Variants in ANKRD10 observed in about 807,000 individuals in gnomAD.
The protein encoded by ANKRD10 is ankyrin repeat domain-containing protein 10.
ANKRD10 carries 14 observed loss-of-function variants against 27.0 expected under a neutral mutation model. That is an observed-to-expected ratio of 0.52 (90% CI 0.34 to 0.81). The LOEUF (loss-of-function observed/expected upper bound fraction) is 0.81, where lower values mean the gene tolerates loss of function less well. ANKRD10 is among the 40% of genes least tolerant of loss of function. The pLI, the probability that ANKRD10 is intolerant of heterozygous loss-of-function variation, is 0.01. For missense variants in ANKRD10, 493 were observed against 544.0 expected, an observed-to-expected ratio of 0.91 and a Z score of 0.93; for synonymous variants, 250 against 224.5, an observed-to-expected ratio of 1.11 and a Z score of -1.01.
chr13:110,881,527 GA>G lies in ANKRD10; in HGVS notation c.788-1416del, dbSNP rs201946514. 1.3e-3 allele frequency among the ~76,000 whole-genome samples: 27 copies of G among 21,092 alleles called. No individual in the cohort carries two copies. The East Asian group carries it at 0.014, about 11-fold the overall frequency. The allele number at this position is 21,092 out of a possible 152,430, so 13.8% of individuals were successfully genotyped here. ...GCTATAAATTCTTCACAGGACAATA[GA>G]TTTTTTTTCCCCCAAATTAAATGAT... On this transcript the variant is annotated intron_variant, in intron 5 of 5. Transcript: ENST00000267339.
chr13:110,890,049 T>A (rs995891589), intron 4 of ANKRD10, among the ~76,000 whole-genome samples: 1 of 152,188 alleles, frequency 6.6e-6, no homozygotes, highest in African/African-American at 2.4e-5. Flanking sequence ...AAAGAATTTA[T>A]CATTTCTTTT....
chr13:110,901,905 T>A (rs1180630298), intron 3 of ANKRD10, among the ~76,000 whole-genome samples: 1 of 152,104 alleles, frequency 6.6e-6, no homozygotes, highest in African/African-American at 2.4e-5. Flanking sequence ...TAGTTGGGCA[T>A]GGTGGTATGT....
chr13:110,896,549 A>G (rs77579810), intron 3 of ANKRD10, among the ~76,000 whole-genome samples: 10,319 of 152,280 alleles, frequency 0.068, 482 homozygotes, highest in Middle Eastern at 0.16. Flanking sequence ...TGGTCACTCA[A>G]CTGTGTAGTG....
intron 1 of ANKRD10, among the ~76,000 whole-genome samples, chr13:110,912,974 T>A (rs1187900847): frequency 1.3e-5 from 2 of 152,270 alleles, no homozygotes; most frequent in Admixed American, 1.3e-4. Flanking sequence ...CAACATTTGA[T>A]GACCAAGGTA....
At chr13:110,909,295 G>A (rs2065626410) in intron 2 of ANKRD10, among the ~76,000 whole-genome samples, 1 of 152,154 alleles carries the variant, frequency 6.6e-6, no homozygotes, top group Non-Finnish European at 1.5e-5. Flanking sequence ...AAGAGATTGA[G>A]CCACAAAGTT....
At chr13:110,902,589 C>A (rs974624015) in intron 3 of ANKRD10, among the ~76,000 whole-genome samples, 2 of 152,054 alleles carry the variant, frequency 1.3e-5, no homozygotes, top group Non-Finnish European at 2.9e-5. Flanking sequence ...ATAAGGCTAT[C>A]GATGCTTCTC....
At chr13:110,903,633 CACA>C (rs962948294) in intron 3 of ANKRD10, 185 of 152,814 alleles carry the variant, frequency 1.2e-3, no homozygotes, top group African/African-American at 4.4e-3. Context: ...TCCAAAAAAG[CACA>C]ACAATTTAAG....
chr13:110,893,298 C>T, intron 3 of ANKRD10, 35 bp from the exon 4 acceptor site: 1 of 1,600,974 alleles, frequency 6.2e-7, no homozygotes, highest in Non-Finnish European at 8.5e-7. Flanking sequence ...TACACCCCAT[C>T]CGCGTGCTAA....
rs537539983 is a variant in ANKRD10, at chr13:110,914,863, G to A, written c.72C>T (p.Phe24=). 11 of 1,555,088 alleles carry A rather than the reference G, an allele frequency of 7.1e-6. No homozygotes were observed. In the Admixed American group the frequency reaches 9.6e-5, roughly 14 times the overall value. The change falls in exon 1 of 6, where the codon TTC becomes TTT. Residue 24 remains phenylalanine, a synonymous_variant. Coordinates refer to ENST00000267339, the MANE Select transcript of ANKRD10 (RefSeq NM_017664.4). ...FSSEELLSLR[F]PLHRACRDGD... ...CGTCGCGGCAGGCGCGGTGCAGCGG[G>A]AAACGGAGCGAGAGCAGCTCCTCGC...
intron 5 of ANKRD10, among the ~76,000 whole-genome samples, chr13:110,880,378 A>G (rs1438818075): frequency 3.3e-5 from 5 of 152,222 alleles, no homozygotes; most frequent in African/African-American, 1.2e-4. Context: ...GCTGACAAAT[A>G]CACTGCATGA....
At chr13:110,896,444 C>G (rs541200293) in intron 3 of ANKRD10, among the ~76,000 whole-genome samples, 1 of 152,302 alleles carries the variant, frequency 6.6e-6, no homozygotes, top group East Asian at 1.9e-4. Flanking sequence ...AATGACACCA[C>G]CATCTCTTGC....
chr13:110,892,416 C>CAGAAAAAAAAAAAAAAAAAAAAAAAAAAA (rs2065099658), intron 4 of ANKRD10, among the ~76,000 whole-genome samples: 1 of 19,550 alleles, frequency 5.1e-5, no homozygotes. Flanking sequence ...GGTGACAGAG[C>CAGAAAAAAAAAAAAAAAAAAAAAAAAAAA]AAAAAAAAAA....
intron 1 of ANKRD10, 138 bp from the exon 2 acceptor site, chr13:110,910,908 A>G: frequency 1.2e-6 from 1 of 856,502 alleles, no homozygotes; most frequent in Non-Finnish European, 1.7e-6. Context: ...ACTCTTTCCC[A>G]ATGCCATGCA....
In ANKRD10 at chr13:110,915,014, A is replaced by G; in HGVS notation, c.-80T>C. The G allele has an allele frequency of 6.8e-7, 1 of 1,475,542 alleles. No homozygotes were observed. Among genetic ancestry groups the G allele is most frequent in the Non-Finnish European group, 8.9e-7 (1 of 1,118,324 alleles). The allele number at this position is 1,475,542 out of a possible 1,614,324, so 91.4% of individuals were successfully genotyped here. On this transcript the variant is annotated 5_prime_UTR_variant, in exon 1 of 6. Coordinates refer to ENST00000267339, the MANE Select transcript of ANKRD10 (RefSeq NM_017664.4). ...ACTCGAGAAGCCGCCGCCGCAGCAC[A>G]AAGGAACGAGACTAGCGCCGCGGTC... is the stretch of plus-strand genomic sequence containing the variant.
rs547438387 is a variant in ANKRD10 at position 110,889,440 on chromosome 13, G to A, written c.691+3588C>T. On this transcript the variant is annotated intron_variant, in intron 4 of 5. Transcript: ENST00000267339. ...CATGTCCACACCTATTATGTCTTACGTTCTGACTAAACTGCATTTGACACA... is the reference window on the plus strand; with the variant it reads ...CATGTCCACACCTATTATGTCTTACATTCTGACTAAACTGCATTTGACACA... Among the ~76,000 whole-genome samples the A allele has an allele frequency of 4.6e-5, 7 of 152,250 alleles. No individual in the cohort carries two copies. The East Asian group carries it at 5.8e-4, about 13-fold the overall frequency.
chr13:110,893,256 T>C lies in ANKRD10; in HGVS notation c.463A>G (p.Asn155Asp). ...VANGAHVDLR[N>D]ASGLTAADIA... Reference sequence around the variant, plus strand: ...TCTGCTGCTGTCAGGCCACTGGCATTTCTCAGGCTGTACAACACAAAAACA... The same window carrying C: ...TCTGCTGCTGTCAGGCCACTGGCATCTCTCAGGCTGTACAACACAAAAACA... The change falls in exon 4 of 6, where the codon AAT becomes GAT. Residue 155 changes from asparagine to aspartate, a missense_variant. Physicochemically the swap from Asn to Asp is conservative, Grantham distance 23. Coordinates refer to ENST00000267339, the MANE Select transcript of ANKRD10 (RefSeq NM_017664.4). 6 of 1,614,020 alleles carry C rather than the reference T, an allele frequency of 3.7e-6. No individual in the cohort carries two copies. The highest frequency in any genetic ancestry group is 5.1e-6 in the Non-Finnish European group (6 of 1,179,938).
chr13:110,884,644 C>G (rs771092483), intron 4 of ANKRD10, among the ~76,000 whole-genome samples: 1 of 152,236 alleles, frequency 6.6e-6, no homozygotes, highest in Admixed American at 6.5e-5. Flanking sequence ...GGCTGTATTA[C>G]GATTCGCCTA....
At chr13:110,880,844 G>A (rs1466263685) in intron 5 of ANKRD10, among the ~76,000 whole-genome samples, 1 of 152,206 alleles carries the variant, frequency 6.6e-6, no homozygotes, top group African/African-American at 2.4e-5. Context: ...CAGTCCTCAG[G>A]CATGCAGGCC....
At chr13:110,885,635 C>T (rs1594541296) in intron 4 of ANKRD10, among the ~76,000 whole-genome samples, 2 of 152,178 alleles carry the variant, frequency 1.3e-5, no homozygotes, top group African/African-American at 4.8e-5. Flanking sequence ...GTGCCAAAGT[C>T]GTCTCAACCT....
Sources: gnomAD v4.1 joint callset for allele counts (sites outside exome capture counted in the v4.1 genomes callset) on GRCh38, gnomAD v4.1.1 for gene constraint, MANE v1.5 for transcripts, NCBI Gene and HGNC (gene_info 2026-07-23, HGNC 2026-07-21) for gene names.